Variants in TSPAN2 observed in about 807,000 individuals in gnomAD.
TSPAN2 encodes the protein tetraspanin-2.
A neutral mutation model predicts 33.3 loss-of-function variants in TSPAN2; 24 were observed. The observed-to-expected ratio is 0.72, with a 90% CI of 0.52 to 1.01. The LOEUF (loss-of-function observed/expected upper bound fraction) is 1.01, where lower values mean the gene tolerates loss of function less well. Ranked by LOEUF, TSPAN2 falls within the 50% of genes least tolerant of loss-of-function variation. The probability of loss-of-function intolerance (pLI) is 0.00; values close to 1 mark genes in which losing one functional copy is unlikely to be tolerated. For missense variants in TSPAN2, 278 were observed against 281.3 expected, an observed-to-expected ratio of 0.99 and a Z score of 0.08; for synonymous variants, 114 against 104.5, an observed-to-expected ratio of 1.09 and a Z score of -0.56.
rs1188018039 is a variant in TSPAN2, at chr1:115,050,525, A to C, written c.631T>G (p.Cys211Gly). The change falls in exon 8 of 8, where the codon TGC (cysteine) becomes GGC (glycine). Residue 211 changes from cysteine to glycine, a missense_variant. By Grantham distance (159) the Cys-to-Gly change is radical (BLOSUM62 -3). Transcript: ENST00000369516. ...IFGMIFSMVL[C>G]CAIRNSRDVI ...TCTCGTGAGTTTCGTATCGCACAGC[A>C]GAGGACCATGCTGAATATCATGCCA... 1.9e-6 allele frequency: 3 copies of C among 1,614,082 alleles called. No homozygotes were observed. The highest frequency in any genetic ancestry group is 2.5e-6 in the Non-Finnish European group (3 of 1,179,974).
intron 6 of TSPAN2, 108 bp from the exon 7 acceptor site, chr1:115,053,570 T>A (rs761357092): frequency 1.1e-6 from 1 of 891,964 alleles, no homozygotes; most frequent in Non-Finnish European, 1.8e-6. Flanking sequence ...AGTTAATCCA[T>A]GCCAGCTTCT....
intron 1 of TSPAN2, among the ~76,000 whole-genome samples, chr1:115,077,356 A>C (rs1226885413): frequency 1.3e-5 from 2 of 152,188 alleles, no homozygotes; most frequent in South Asian, 4.2e-4. Context: ...GAAGATAAGA[A>C]TGCAGGGAAA....
At chr1:115,066,680 T>A (rs1465363771) in intron 2 of TSPAN2, among the ~76,000 whole-genome samples, 1 of 71,256 alleles carries the variant, frequency 1.4e-5, no homozygotes, top group Admixed American at 1.8e-4. Flanking sequence ...CTAATGACCA[T>A]TTTTTTATTT....
chr1:115,084,129 ATTCTAGATTCTACTTTCCCAT>A (rs1183569019), intron 1 of TSPAN2, among the ~76,000 whole-genome samples: 4 of 152,170 alleles, frequency 2.6e-5, no homozygotes, highest in African/African-American at 9.7e-5. Flanking sequence ...AACCTCTTGG[ATTCTAGATTCTACTTTCCCAT>A]TTGTACTTCT....
chr1:115,048,207 A>G lies in TSPAN2; in HGVS notation c.*2283T>C, dbSNP rs1675208187. The G allele has an allele frequency of 6.7e-6, 1 of 150,326 alleles. No homozygotes were observed. Among genetic ancestry groups the G allele is most frequent in the South Asian group, 2.1e-4 (1 of 4,806 alleles). 9.3% of individuals were successfully genotyped at this position (150,326 alleles called of 1,614,324 possible). A position where few individuals can be genotyped will look rare whatever the true frequency, so the allele number is the denominator to read the frequency against. ...TATATACACACACATCTGTATATAC[A>G]TACATGTATATATTCAAATTATATA... On this transcript the variant is annotated 3_prime_UTR_variant, in exon 8 of 8. Transcript: ENST00000369516.
Position 115,050,271 on chromosome 1 carries a change from G to A in TSPAN2, c.*219C>T, listed in dbSNP as rs142487988. The stretch of plus-strand genomic sequence containing the variant: ...CGTATAAAGCATATTCCAGAAACAC[G>A]CAGATCACACATGAATATGCTCTCA... On this transcript the variant is annotated 3_prime_UTR_variant, in exon 8 of 8. Transcript: ENST00000369516. 8.8e-6 allele frequency: 5 copies of A among 570,954 alleles called. No homozygotes were observed. Among genetic ancestry groups the A allele is most frequent in the African/African-American group, 5.7e-5 (3 of 52,316 alleles). 35.4% of individuals were successfully genotyped at this position (570,954 alleles called of 1,614,324 possible). A position where few individuals can be genotyped will look rare whatever the true frequency, so the allele number is the denominator to read the frequency against.
chr1:115,056,048 C>G (rs190976220), intron 6 of TSPAN2, among the ~76,000 whole-genome samples: 13 of 152,248 alleles, frequency 8.5e-5, no homozygotes, highest in African/African-American at 3.1e-4. Flanking sequence ...TCTAGTCTTA[C>G]ATAGTCATAC....
chr1:115,085,180 G>A (rs1178492032), intron 1 of TSPAN2, among the ~76,000 whole-genome samples: 1 of 152,208 alleles, frequency 6.6e-6, no homozygotes, highest in African/African-American at 2.4e-5. Context: ...TCTGATCGCA[G>A]GTCTGAATTT....
At chr1:115,069,639 C>A (rs1271803684) in intron 2 of TSPAN2, among the ~76,000 whole-genome samples, 1 of 152,212 alleles carries the variant, frequency 6.6e-6, no homozygotes, top group Non-Finnish European at 1.5e-5. Flanking sequence ...AGTATTAACC[C>A]TTGACCTTTC....
intron 7 of TSPAN2, 30 bp from the exon 8 acceptor site, chr1:115,050,585 T>G (rs1202492974): frequency 1.2e-6 from 2 of 1,601,978 alleles, no homozygotes. Flanking sequence ...CATCAGTGAC[T>G]TTGAAACGGG....
At chr1:115,051,064 C>T (rs1457194691) in intron 7 of TSPAN2, among the ~76,000 whole-genome samples, 1 of 152,116 alleles carries the variant, frequency 6.6e-6, no homozygotes, top group Non-Finnish European at 1.5e-5. Flanking sequence ...AATCCCAGCA[C>T]TTTGGGAGGC....
rs116043127 is a variant in TSPAN2, at chr1:115,051,417, A to T, written c.601-862T>A. Among the ~76,000 whole-genome samples, 932 of 152,352 alleles carry T rather than the reference A, an allele frequency of 6.1e-3. 9 individuals carry two copies. Among genetic ancestry groups the T allele is most frequent in the African/African-American group, 0.021 (877 of 41,572 alleles). On this transcript the variant is annotated intron_variant, in intron 7 of 7. Transcript: ENST00000369516. The stretch of plus-strand genomic sequence containing the variant: ...GCAAAACATAAACTAAAGGGTTTAT[A>T]CTATGGTATTATTGACTTTTACCTT...
At chr1:115,062,074 C>A in intron 3 of TSPAN2, 61 bp downstream of exon 3, 1 of 1,400,940 alleles carries the variant, frequency 7.1e-7, no homozygotes, top group Non-Finnish European at 9.8e-7. Context: ...GCACTGACTC[C>A]CTTCAGATGC....
At chr1:115,069,355 T>G (rs1001497461) in intron 2 of TSPAN2, among the ~76,000 whole-genome samples, 3 of 152,234 alleles carry the variant, frequency 2.0e-5, no homozygotes, top group Admixed American at 6.5e-5. Flanking sequence ...CCCAGGCATA[T>G]GCCCACAAGC....
intron 2 of TSPAN2, among the ~76,000 whole-genome samples, chr1:115,068,862 G>A (rs1287696630): frequency 6.6e-6 from 1 of 152,146 alleles, no homozygotes; most frequent in Non-Finnish European, 1.5e-5. Context: ...ACTTCACAAG[G>A]ACTTCTTGTT....
At chr1:115,068,854 T>G (rs1335370555) in intron 2 of TSPAN2, among the ~76,000 whole-genome samples, 1 of 152,188 alleles carries the variant, frequency 6.6e-6, no homozygotes, top group African/African-American at 2.4e-5. Flanking sequence ...GGTACCTGAC[T>G]TCACAAGGAC....
rs1200905201 is a variant in TSPAN2 at position 115,074,001 on chromosome 1, CTGGGCCCAGGGCACCA to C, written c.70-1010_70-995del. ...TCAACAGATATTTACTGGACACCTT[CTGGGCCCAGGGCACCA>C]TGGGAAAGTAAGCAGAGATATAAAA... is the stretch of plus-strand genomic sequence containing the variant. On this transcript the variant is annotated intron_variant, in intron 1 of 7. Transcript: ENST00000369516. Among the ~76,000 whole-genome samples, 4 of 152,202 alleles carry C rather than the reference CTGGGCCCAGGGCACCA, an allele frequency of 2.6e-5. No homozygotes were observed. In the East Asian group the frequency reaches 7.7e-4, roughly 29 times the overall value.
At chr1:115,067,901 C>T (rs1648012090) in intron 2 of TSPAN2, among the ~76,000 whole-genome samples, 1 of 152,190 alleles carries the variant, frequency 6.6e-6, no homozygotes, top group Admixed American at 6.5e-5. Flanking sequence ...GGGGTGTCTG[C>T]CCACTCCAGA....
intron 1 of TSPAN2, among the ~76,000 whole-genome samples, chr1:115,074,436 C>T (rs1403214951): frequency 6.6e-6 from 1 of 152,110 alleles, no homozygotes; most frequent in Non-Finnish European, 1.5e-5. Context: ...CAGAATTCTA[C>T]CAGCTGGACT....
Sources: gnomAD v4.1 joint callset for allele counts (sites outside exome capture counted in the v4.1 genomes callset) on GRCh38, gnomAD v4.1.1 for gene constraint, MANE v1.5 for transcripts, NCBI Gene and HGNC (gene_info 2026-07-23, HGNC 2026-07-21) for gene names.